VPS35L: variants seen among roughly 807,000 people sequenced by gnomAD.
VPS35L encodes the protein VPS35 endosomal protein-sorting factor-like.
VPS35L carries 83 observed loss-of-function variants against 133.0 expected under a neutral mutation model. The observed-to-expected ratio is 0.62, with a 90% CI of 0.52 to 0.75. The LOEUF (loss-of-function observed/expected upper bound fraction) is 0.75, where lower values mean the gene tolerates loss of function less well. Ranked by LOEUF, VPS35L falls within the 30% of genes least tolerant of loss-of-function variation. VPS35L has a pLI of 0.00. For missense variants in VPS35L, 1,083 were observed against 1,206.8 expected (o/e 0.90, Z 1.52); for synonymous variants, 423 against 449.9 (o/e 0.94, Z 0.76).
intron 26 of VPS35L, among the ~76,000 whole-genome samples, chr16:19,658,187 C>T (rs1181620139): frequency 3.3e-5 from 5 of 152,162 alleles, no homozygotes; most frequent in Admixed American, 6.5e-5. Flanking sequence ...CTTTTACATG[C>T]GGCCCACTGT....
intron 26 of VPS35L, among the ~76,000 whole-genome samples, chr16:19,663,665 ATTTCTT>A (rs1342199615): frequency 1.1e-5 from 1 of 92,920 alleles, no homozygotes; most frequent in Admixed American, 1.1e-4. Context: ...CAGTGCAGTA[ATTTCTT>A]TTTTTTTTTT....
intron 17 of VPS35L, 22 bp downstream of exon 17, chr16:19,628,775 ATT>A (rs563274730): frequency 2.1e-6 from 2 of 951,516 alleles, no homozygotes; most frequent in Non-Finnish European, 2.8e-6. Context: ...TTTTATTTTT[ATT>A]TTTATTTATT....
In VPS35L at chr16:19,650,261, T is replaced by G. The variant is rs888548740; in HGVS notation, c.2029-121T>G. ...TTTCAAGGTTTAGTGCTAACCAGTC[T>G]TGGTCCTAGAAAGCTTGTTCTCATT... On this transcript the variant is annotated intron_variant, in intron 24 of 30. Transcript: ENST00000417362. 8 of 810,544 alleles carry G rather than the reference T, an allele frequency of 9.9e-6. No individual in the cohort carries two copies. In the African/African-American group the frequency reaches 1.4e-4, roughly 14 times the overall value. The allele number at this position is 810,544 out of a possible 1,614,324, so 50.2% of individuals were successfully genotyped here. A position where few individuals can be genotyped will look rare whatever the true frequency, so the allele number is the denominator to read the frequency against.
chr16:19,572,690 AT>A (rs879931173), intron 3 of VPS35L, among the ~76,000 whole-genome samples: 1 of 150,022 alleles, frequency 6.7e-6, no homozygotes, highest in Non-Finnish European at 1.5e-5. Flanking sequence ...AATGGTCTGA[AT>A]TTTTTTTTTG....
chr16:19,565,122 T>G (rs948227448), intron 2 of VPS35L, among the ~76,000 whole-genome samples, 172 bp downstream of exon 2: 1 of 151,802 alleles, frequency 6.6e-6, no homozygotes, highest in Non-Finnish European at 1.5e-5. Context: ...GGTGGCTCAC[T>G]GCAACCTCTG....
At chr16:19,593,215 C>T (rs1972098473) in intron 8 of VPS35L, among the ~76,000 whole-genome samples, 1 of 152,142 alleles carries the variant, frequency 6.6e-6, no homozygotes. Flanking sequence ...TTTGCTCAAA[C>T]CATGCAGCCC....
intron 24 of VPS35L, among the ~76,000 whole-genome samples, chr16:19,648,467 T>G (rs1051223135): frequency 2.6e-5 from 4 of 152,220 alleles, no homozygotes; most frequent in African/African-American, 9.6e-5. Flanking sequence ...AAGGAGCCCC[T>G]TCTTACGTAA....
chr16:19,644,812 C>T, intron 22 of VPS35L, 74 bp from the exon 23 acceptor site: 5 of 1,052,272 alleles, frequency 4.8e-6, no homozygotes, highest in Admixed American at 2.1e-5. Context: ...AATTACTTAC[C>T]CCTTGTGTAT....
At chr16:19,689,567 C>A (rs1360171593) in intron 28 of VPS35L, among the ~76,000 whole-genome samples, 1 of 152,118 alleles carries the variant, frequency 6.6e-6, no homozygotes, top group Admixed American at 6.5e-5. Context: ...CCACAGTGCC[C>A]AGCCCCAGTT....
At chr16:19,674,602 C>T (rs929439441) in intron 27 of VPS35L, among the ~76,000 whole-genome samples, 1 of 152,138 alleles carries the variant, frequency 6.6e-6, no homozygotes, top group Admixed American at 6.5e-5. Context: ...GATCTACCCT[C>T]TTAACCGGTT....
chr16:19,569,289 C>G (rs1486216328), intron 2 of VPS35L, 135 bp from the exon 3 acceptor site: 5 of 959,244 alleles, frequency 5.2e-6, no homozygotes, highest in African/African-American at 1.6e-5. Flanking sequence ...CTAAGCATCC[C>G]CTGCAGATGG....
chr16:19,697,145 G>A (rs1286523826), intron 29 of VPS35L, among the ~76,000 whole-genome samples: 1 of 152,198 alleles, frequency 6.6e-6, no homozygotes, highest in Admixed American at 6.5e-5. Flanking sequence ...CTTGTAGCCC[G>A]CGGGCCTGGG....
At chr16:19,613,265 T>A (rs1333385636) in intron 12 of VPS35L, among the ~76,000 whole-genome samples, 2 of 152,218 alleles carry the variant, frequency 1.3e-5, no homozygotes, top group African/African-American at 4.8e-5. Flanking sequence ...ATCGCGCCAC[T>A]GCACTCCAGC....
chr16:19,682,901 T>A (rs1256269801), intron 28 of VPS35L, among the ~76,000 whole-genome samples: 1 of 151,424 alleles, frequency 6.6e-6, no homozygotes, highest in Non-Finnish European at 1.5e-5. Context: ...TTCAGCCCCA[T>A]CCTGCCCTTG....
At chr16:19,672,257 G>A (rs895091817) in intron 27 of VPS35L, among the ~76,000 whole-genome samples, 2 of 152,116 alleles carry the variant, frequency 1.3e-5, no homozygotes, top group South Asian at 4.1e-4. Flanking sequence ...TTGGCAAATG[G>A]GCATTTTTAA....
At chr16:19,691,266 C>G in intron 28 of VPS35L, 87 bp from the exon 29 acceptor site, 2 of 1,042,306 alleles carry the variant, frequency 1.9e-6, no homozygotes, top group Non-Finnish European at 3.0e-6. Context: ...TCTGCTGACT[C>G]GGTGTGACAT....
intron 28 of VPS35L, among the ~76,000 whole-genome samples, chr16:19,688,263 C>T (rs1389681204): frequency 6.6e-6 from 1 of 152,006 alleles, no homozygotes; most frequent in East Asian, 2.0e-4. Flanking sequence ...TGCACAGGCC[C>T]TACTGTGTTT....
intron 11 of VPS35L, 59 bp downstream of exon 11, chr16:19,609,080 A>G: frequency 7.1e-7 from 1 of 1,418,380 alleles, no homozygotes; most frequent in Middle Eastern, 1.8e-4. Context: ...CCATGTGTAC[A>G]CAGATAGTAA....
chr16:19,651,191 A>G (rs1378168834), intron 25 of VPS35L, among the ~76,000 whole-genome samples: 2 of 151,922 alleles, frequency 1.3e-5, no homozygotes, highest in African/African-American at 4.8e-5. Context: ...CTGATGTTAA[A>G]CTTTGAAAAA....
Sources: allele counts gnomAD v4.1 joint callset (sites outside exome capture counted in the v4.1 genomes callset), GRCh38; gene constraint gnomAD v4.1.1; transcripts MANE v1.5; gene names NCBI Gene and HGNC (gene_info 2026-07-23, HGNC 2026-07-21).